The following MYO1H variants were observed in gnomAD, a reference collection of about 807,000 sequenced individuals.
The protein encoded by MYO1H is unconventional myosin-Ih.
MYO1H carries 118 observed loss-of-function variants against 149.3 expected under a neutral mutation model. The ratio of observed to expected loss-of-function variants is 0.79; its 90% confidence interval spans 0.68 to 0.92. MYO1H has a LOEUF of 0.92. Among genes scored for constraint, MYO1H ranks in the 40% least tolerant of loss-of-function variants. The probability of loss-of-function intolerance (pLI) is 0.00; values close to 1 mark genes in which losing one functional copy is unlikely to be tolerated. For synonymous variants in MYO1H, 447 were observed against 465.2 expected (o/e 0.96, Z 0.50); for missense variants, 1,212 against 1,280.7 (o/e 0.95, Z 0.82).
chr12:109,392,610 T>C (rs1049691919), intron 2 of MYO1H, among the ~76,000 whole-genome samples: 1 of 151,500 alleles, frequency 6.6e-6, no homozygotes, highest in Non-Finnish European at 1.5e-5. Context: ...TAATCCCAGC[T>C]ATGGGAGGCT....
chr12:109,431,603 TTC>T (rs1474723012), intron 19 of MYO1H, among the ~76,000 whole-genome samples: 1 of 152,142 alleles, frequency 6.6e-6, no homozygotes, highest in Non-Finnish European at 1.5e-5. Context: ...AACCCAGGCA[TTC>T]TGTTTCTACG....
upstream of MYO1H, among the ~76,000 whole-genome samples, chr12:109,342,975 T>C (rs2048091459): frequency 6.6e-6 from 1 of 151,862 alleles, no homozygotes; most frequent in Non-Finnish European, 1.5e-5. Context: ...CCCAGCACGT[T>C]GGGAGGCCAA....
At chr12:109,329,257 G>A in the MYO1H span, among the ~76,000 whole-genome samples, 37 of 152,218 alleles carry the variant, frequency 2.4e-4, no homozygotes, top group African/African-American at 7.0e-4. Context: ...TTGTACAGCC[G>A]TGTTCATTAG....
At chr12:109,326,386 G>A in the MYO1H span, among the ~76,000 whole-genome samples, 15 of 152,168 alleles carry the variant, frequency 9.9e-5, no homozygotes, top group African/African-American at 3.4e-4. Flanking sequence ...GGGGGATGAG[G>A]AAGGAACTCT....
the MYO1H span, among the ~76,000 whole-genome samples, chr12:109,323,457 T>G: frequency 2.6e-5 from 4 of 152,220 alleles, no homozygotes; most frequent in Non-Finnish European, 4.4e-5. Flanking sequence ...TCACCTGTGT[T>G]TGTTGGTGGG....
At chr12:109,359,215 T>G (rs1868684480) in intron 1 of MYO1H, 1 of 152,136 alleles carries the variant, frequency 6.6e-6, no homozygotes, top group Non-Finnish European at 1.5e-5. Context: ...AATTGTATTA[T>G]GAAAGCTGAC....
At chr12:109,318,967 G>GTTTTTTT in the MYO1H span, among the ~76,000 whole-genome samples, 375 of 79,562 alleles carry the variant, frequency 4.7e-3, 16 homozygotes, top group Non-Finnish European at 5.7e-3. Context: ...TGCGTTTTTG[G>GTTTTTTT]TTTTGTTTTT....
the MYO1H span, among the ~76,000 whole-genome samples, chr12:109,320,855 C>A: frequency 2.8e-4 from 42 of 151,730 alleles, no homozygotes; most frequent in Non-Finnish European, 1.5e-5. Flanking sequence ...TTTGAGAGGC[C>A]GAGGCGGGTG....
chr12:109,311,525 C>T, the MYO1H span, among the ~76,000 whole-genome samples: 2 of 152,168 alleles, frequency 1.3e-5, no homozygotes, highest in African/African-American at 4.8e-5. Flanking sequence ...GAAATCAGAA[C>T]CATAAAATGC....
At chr12:109,328,867 G>A in the MYO1H span, among the ~76,000 whole-genome samples, 2 of 152,110 alleles carry the variant, frequency 1.3e-5, no homozygotes, top group African/African-American at 4.8e-5. Context: ...GGAATGATTA[G>A]CATGATCAAG....
intron 1 of MYO1H, among the ~76,000 whole-genome samples, chr12:109,380,764 G>A (rs940074452): frequency 1.3e-5 from 2 of 152,120 alleles, no homozygotes; most frequent in African/African-American, 4.8e-5. Context: ...TGGCCAACAT[G>A]GTGAAACCCC....
At chr12:109,395,720 G>A (rs138597723) in intron 3 of MYO1H, among the ~76,000 whole-genome samples, 2,076 of 145,776 alleles carry the variant, frequency 0.014, 25 homozygotes, top group Non-Finnish European at 0.022. Flanking sequence ...GGGCGACAGA[G>A]CGAGACTCCA....
chr12:109,431,006 G>C (rs1871590872), intron 19 of MYO1H, among the ~76,000 whole-genome samples: 1 of 148,496 alleles, frequency 6.7e-6, no homozygotes, highest in Admixed American at 6.8e-5. Flanking sequence ...AGTGAGCCGA[G>C]ATCGCACCAC....
At chr12:109,319,599 T>C in the MYO1H span, among the ~76,000 whole-genome samples, 12 of 152,340 alleles carry the variant, frequency 7.9e-5, no homozygotes, top group South Asian at 2.5e-3. Flanking sequence ...TTACCACAGT[T>C]AAATCAAGGA....
chr12:109,355,646 A>G (rs1485445822), intron 1 of MYO1H, among the ~76,000 whole-genome samples: 2 of 152,000 alleles, frequency 1.3e-5, no homozygotes, highest in Non-Finnish European at 2.9e-5. Flanking sequence ...TTTGAGAACC[A>G]CAGCCTTAGG....
chr12:109,436,876 C>T (rs1481749243), intron 22 of MYO1H, among the ~76,000 whole-genome samples: 1 of 151,994 alleles, frequency 6.6e-6, no homozygotes, highest in African/African-American at 2.4e-5. Flanking sequence ...ATTACTTGAG[C>T]TCAAGAGTTC....
upstream of MYO1H, among the ~76,000 whole-genome samples, chr12:109,347,584 CTTTTTTT>C (rs60250689): frequency 0.31 from 46,931 of 149,288 alleles, 7,670 homozygotes; most frequent in Middle Eastern, 0.4. Flanking sequence ...ATTTTCTTTT[CTTTTTTT>C]TTTCTTTTTT....
chr12:109,390,038 T>A (rs553134372), intron 2 of MYO1H, among the ~76,000 whole-genome samples: 14 of 152,314 alleles, frequency 9.2e-5, no homozygotes, highest in Non-Finnish European at 1.9e-4. Context: ...ACAGGATCAT[T>A]GCGATTAAGC....
At chr12:109,446,492 G>A (rs1027419780) in intron 31 of MYO1H, 38 of 984,592 alleles carry the variant, frequency 3.9e-5, no homozygotes, top group Admixed American at 1.8e-4. Flanking sequence ...GGCCCGGCGC[G>A]GTGGCTCACG....
Sources: gnomAD v4.1 joint callset for allele counts (sites outside exome capture counted in the v4.1 genomes callset) on GRCh38, gnomAD v4.1.1 for gene constraint, MANE v1.5 for transcripts, NCBI Gene and HGNC (gene_info 2026-07-23, HGNC 2026-07-21) for gene names.